The following FSTL4 variants were observed in gnomAD, a reference collection of about 807,000 sequenced individuals.
FSTL4 encodes the protein follistatin like 4.
FSTL4 carries 28 observed loss-of-function variants against 78.2 expected under a neutral mutation model. The ratio of observed to expected loss-of-function variants is 0.36; its 90% CI spans 0.27 to 0.49. The LOEUF is 0.49. Ranked by LOEUF, FSTL4 falls within the 20% of genes least tolerant of loss-of-function variation. The probability of loss-of-function intolerance (pLI) is 0.98; values close to 1 mark genes in which losing one functional copy is unlikely to be tolerated. For missense variants in FSTL4, 922 were observed against 1,084.9 expected, an observed-to-expected ratio of 0.85 and a Z score of 2.11; for synonymous variants, 422 against 440.5, an observed-to-expected ratio of 0.96 and a Z score of 0.53.
At chr5:133,817,265 A>AG in the FSTL4 span, among the ~76,000 whole-genome samples, 1 of 152,272 alleles carries the variant, frequency 6.6e-6, no homozygotes, top group Non-Finnish European at 1.5e-5. Context: ...GAGTGGAGCC[A>AG]GGGTGTGCAA....
chr5:133,212,998 G>A (rs1750785831), intron 13 of FSTL4, among the ~76,000 whole-genome samples: 1 of 149,092 alleles, frequency 6.7e-6, no homozygotes, highest in Non-Finnish European at 1.5e-5. Flanking sequence ...ACTCAGTGAA[G>A]AATAGAAAGT....
the FSTL4 span, among the ~76,000 whole-genome samples, chr5:133,771,081 T>C: frequency 1.2e-4 from 18 of 152,160 alleles, no homozygotes; most frequent in Non-Finnish European, 2.5e-4. Flanking sequence ...CATTGATCCA[T>C]GTGTCTGTTT....
intron 2 of FSTL4, among the ~76,000 whole-genome samples, chr5:133,573,005 G>C (rs1397265587): frequency 1.3e-5 from 2 of 152,154 alleles, no homozygotes; most frequent in Non-Finnish European, 2.9e-5. Context: ...AGCACTTTGG[G>C]AGGCTGAGGC....
At chr5:133,708,823 T>C in the FSTL4 span, among the ~76,000 whole-genome samples, 13 of 152,174 alleles carry the variant, frequency 8.5e-5, no homozygotes, top group East Asian at 1.3e-3. Flanking sequence ...CTTCCTGAGA[T>C]GGGGTTGGGA....
intron 4 of FSTL4, among the ~76,000 whole-genome samples, chr5:133,377,789 T>C (rs754356816): frequency 1.1e-4 from 17 of 152,062 alleles, no homozygotes; most frequent in Admixed American, 1.3e-4. Flanking sequence ...AATCAGTACA[T>C]CCAAGAAATT....
chr5:133,285,412 A>C (rs1024769225), intron 6 of FSTL4, among the ~76,000 whole-genome samples: 2 of 152,166 alleles, frequency 1.3e-5, no homozygotes, highest in African/African-American at 4.8e-5. Flanking sequence ...CTGGGACCCT[A>C]GCCTTTCCCT....
chr5:133,467,588 T>A (rs1757743404), intron 3 of FSTL4, among the ~76,000 whole-genome samples: 1 of 151,852 alleles, frequency 6.6e-6, no homozygotes, highest in African/African-American at 2.4e-5. Flanking sequence ...GAAATCTGGG[T>A]CACAGAGGGT....
chr5:133,646,530 T>C, the FSTL4 span, among the ~76,000 whole-genome samples: 9 of 152,168 alleles, frequency 5.9e-5, no homozygotes, highest in Non-Finnish European at 1.3e-4. Context: ...GTTACTGGTA[T>C]GGAACTGGTT....
intron 3 of FSTL4, among the ~76,000 whole-genome samples, chr5:133,491,900 AATTT>A (rs1347273859): frequency 1.3e-5 from 2 of 152,078 alleles, no homozygotes; most frequent in African/African-American, 2.4e-5. Context: ...TTGCCAACTT[AATTT>A]GAGTATTTAT....
rs199609726 is a variant in FSTL4 at position 133,199,126 on chromosome 5, C to T, written c.2498G>A (p.Gly833Glu). The change falls in exon 16 of 16, where the codon GGG (glycine) becomes GAG (glutamate). Residue 833 changes from glycine (G) to glutamate (E), a missense_variant. Transcript: ENST00000265342. This position sits in a 1 kb window ranked among gnomAD's most constrained non-coding sequence, Gnocchi z 4.4. The part of the protein sequence containing the change: ...LRCEVSGIKG[G>E]TTVVWVGEV ...CTCACCCACCCACACCACTGTGGTC[C>T]CCCCCTTTATACCTGACACCTCACA... 7.7e-6 allele frequency: 12 copies of T among 1,564,658 alleles called. No individual in the cohort carries two copies. The highest frequency in any genetic ancestry group is 1.8e-5 in the Admixed American group (1 of 56,996).
At chr5:133,826,223 T>C in the FSTL4 span, among the ~76,000 whole-genome samples, 9 of 152,198 alleles carry the variant, frequency 5.9e-5, no homozygotes, top group Non-Finnish European at 8.8e-5. Flanking sequence ...TGGCGCCACA[T>C]GGCTCCATGC....
intron 4 of FSTL4, among the ~76,000 whole-genome samples, chr5:133,367,242 G>A (rs1755199284): frequency 6.6e-6 from 1 of 152,204 alleles, no homozygotes; most frequent in Non-Finnish European, 1.5e-5. Flanking sequence ...ACTCAAGTCA[G>A]CCAGTAATCC....
At chr5:133,637,412 C>G in the FSTL4 span, among the ~76,000 whole-genome samples, 3 of 152,044 alleles carry the variant, frequency 2.0e-5, no homozygotes, top group East Asian at 1.9e-4. Context: ...GATTGAGCAT[C>G]TACTATATTC....
the FSTL4 span, among the ~76,000 whole-genome samples, chr5:133,711,514 C>A: frequency 1.3e-5 from 2 of 152,198 alleles, no homozygotes; most frequent in Non-Finnish European, 2.9e-5. Context: ...AGGTCTCTTC[C>A]CATGGGAAAA....
At chr5:133,832,646 A>G in the FSTL4 span, among the ~76,000 whole-genome samples, 2 of 152,176 alleles carry the variant, frequency 1.3e-5, no homozygotes, top group African/African-American at 4.8e-5. Flanking sequence ...CCCTACATAC[A>G]TTTCTCCATC....
rs146412386 is a variant in FSTL4, at chr5:133,228,500, G to A, written c.1016-2681C>T. Reference sequence around the variant, plus strand: ...ACTACACACTGATCTCACTTAGGACGTGATACACCAAAATTCTAAGTAAAA... The same window carrying A: ...ACTACACACTGATCTCACTTAGGACATGATACACCAAAATTCTAAGTAAAA... On this transcript the variant is annotated intron_variant, in intron 8 of 15. Coordinates refer to ENST00000265342, the MANE Select transcript of FSTL4 (RefSeq NM_015082.2). Among the ~76,000 whole-genome samples, 539 of 152,264 alleles carry A rather than the reference G, an allele frequency of 3.5e-3. 2 individuals carry two copies. The highest frequency in any genetic ancestry group is 0.012 in the African/African-American group (483 of 41,550).
chr5:133,467,621 G>A (rs1324219867), intron 3 of FSTL4, among the ~76,000 whole-genome samples: 2 of 152,156 alleles, frequency 1.3e-5, no homozygotes, highest in African/African-American at 4.8e-5. Flanking sequence ...AGGCTGTGAC[G>A]GAGGGGATGG....
chr5:133,662,364 G>A, the FSTL4 span, among the ~76,000 whole-genome samples: 1 of 152,050 alleles, frequency 6.6e-6, no homozygotes, highest in Non-Finnish European at 1.5e-5. Flanking sequence ...AAATTACAGT[G>A]GATATTTTCA....
intron 3 of FSTL4, among the ~76,000 whole-genome samples, chr5:133,460,603 G>GA (rs1490332183): frequency 6.6e-6 from 1 of 152,086 alleles, no homozygotes; most frequent in Non-Finnish European, 1.5e-5. Context: ...TAGTGAAACT[G>GA]AAAAAAAGTC....
Sources: gnomAD v4.1 joint callset for allele counts (sites outside exome capture counted in the v4.1 genomes callset) on GRCh38, gnomAD v4.1.1 for gene constraint, Gnocchi (gnomAD v3.1) non-coding constraint, MANE v1.5 for transcripts, NCBI Gene and HGNC (gene_info 2026-07-23, HGNC 2026-07-21) for gene names.